SLC36A4: variants seen among roughly 807,000 people sequenced by gnomAD.
SLC36A4 encodes solute carrier family 36 member 4, also known as neutral amino acid uniporter 4.
Under a neutral mutation model 50.5 loss-of-function variants are expected in SLC36A4, and 49 were observed. That is an observed-to-expected ratio of 0.97 (90% CI 0.77 to 1.23). The LOEUF (loss-of-function observed/expected upper bound fraction) is 1.23. SLC36A4 is among the 50% of genes most tolerant of loss of function. The probability of loss-of-function intolerance (pLI) is 0.00; values close to 1 mark genes in which losing one functional copy is unlikely to be tolerated. For synonymous variants in SLC36A4, 207 were observed against 206.5 expected, an observed-to-expected ratio of 1.00 and a Z score of -0.02; for missense variants, 611 against 608.4, an observed-to-expected ratio of 1.00 and a Z score of -0.05.
At chr11:93,165,687 T>G (rs1396389808) in intron 8 of SLC36A4, among the ~76,000 whole-genome samples, 1 of 152,096 alleles carries the variant, frequency 6.6e-6, no homozygotes, top group African/African-American at 2.4e-5. Context: ...TTTCTTCATT[T>G]TATAGATAAA....
intron 1 of SLC36A4, among the ~76,000 whole-genome samples, chr11:93,196,139 T>C (rs1862411545): frequency 6.6e-6 from 1 of 152,182 alleles, no homozygotes; most frequent in Admixed American, 6.5e-5. Context: ...TGAAATAATT[T>C]GAAACTTTTT....
intron 3 of SLC36A4, among the ~76,000 whole-genome samples, chr11:93,183,615 TATA>T (rs1413326896): frequency 6.6e-6 from 1 of 152,106 alleles, no homozygotes; most frequent in African/African-American, 2.4e-5. Flanking sequence ...TCTCTGCAAT[TATA>T]ATAATTACAA....
At chr11:93,190,589 T>G (rs1862175155) in intron 1 of SLC36A4, among the ~76,000 whole-genome samples, 1 of 152,222 alleles carries the variant, frequency 6.6e-6, no homozygotes, top group African/African-American at 2.4e-5. Flanking sequence ...AGTTAATTTT[T>G]CGAAGTTTAA....
At chr11:93,184,689 T>C (rs1166067737) in intron 2 of SLC36A4, among the ~76,000 whole-genome samples, 169 bp from the exon 3 acceptor site, 2 of 152,138 alleles carry the variant, frequency 1.3e-5, no homozygotes, top group Non-Finnish European at 2.9e-5. Context: ...GTCCTATCTT[T>C]GCTAATTAAA....
At chr11:93,172,602 C>G (rs893875357) in intron 6 of SLC36A4, among the ~76,000 whole-genome samples, 4 of 150,534 alleles carry the variant, frequency 2.7e-5, no homozygotes, top group African/African-American at 7.4e-5. Flanking sequence ...CCCATCCCCC[C>G]ACCCCACCAC....
intron 1 of SLC36A4, among the ~76,000 whole-genome samples, chr11:93,189,575 C>T (rs1304881525): frequency 6.6e-6 from 1 of 152,128 alleles, no homozygotes; most frequent in Admixed American, 6.5e-5. Flanking sequence ...GACTAGAGTT[C>T]ATTTGCTTTT....
Position 93,177,991 on chromosome 11 carries a change from C to T in SLC36A4, c.540+2806G>A, listed in dbSNP as rs186608826. 2.4e-3 allele frequency among the ~76,000 whole-genome samples: 370 copies of T among 152,326 alleles called. 4 individuals carry two copies. The highest frequency in any genetic ancestry group is 3.6e-3 in the Non-Finnish European group (243 of 68,018). On this transcript the variant is annotated intron_variant, in intron 6 of 10. Transcript: ENST00000326402. ...CAGAGGTGGAGTCTACAGAGGCAGA[C>T]AGGCCTCCTTGAGCTGCGGTGGGCT...
chr11:93,185,059 A>G (rs1049035407), intron 2 of SLC36A4, among the ~76,000 whole-genome samples: 1 of 152,160 alleles, frequency 6.6e-6, no homozygotes, highest in African/African-American at 2.4e-5. Flanking sequence ...AACACGAATC[A>G]ATTTTTAGAT....
At chr11:93,159,595 C>T (rs1860527596) in intron 9 of SLC36A4, among the ~76,000 whole-genome samples, 1 of 152,128 alleles carries the variant, frequency 6.6e-6, no homozygotes, top group South Asian at 2.1e-4. Flanking sequence ...AGAGCCTCAT[C>T]TCATTCTAGG....
intron 9 of SLC36A4, chr11:93,155,280 G>C (rs10830991): frequency 6.6e-6 from 1 of 151,812 alleles, no homozygotes. Context: ...CTGCAACTTC[G>C]GGGCAGTGAT....
At position 93,197,810 on chromosome 11, in the gene SLC36A4, G is replaced by A; in HGVS notation, c.23C>T (p.Ala8Val). The A allele has an allele frequency of 1.3e-6, 2 of 1,579,906 alleles. No individual in the cohort carries two copies. Among genetic ancestry groups the A allele is most frequent in the Non-Finnish European group, 8.5e-7 (1 of 1,171,230 alleles). The change falls in exon 1 of 11, where the codon GCG (alanine) becomes GTG (valine). Residue 8 changes from alanine to valine, a missense_variant. Ala to Val is a moderately conservative substitution (Grantham distance 64). Transcript: ENST00000326402. ...CTCGCGCCTCGCCGCCCCGGCAGCC[G>A]CCGGCGTCGCCGCCGCTTCCATCTC... MEAAATP[A>V]AAGAARREEL...
chr11:93,150,408 A>G (rs761298766), intron 10 of SLC36A4, among the ~76,000 whole-genome samples: 3 of 151,942 alleles, frequency 2.0e-5, no homozygotes, highest in Non-Finnish European at 2.9e-5. Flanking sequence ...GTGGCTTTCA[A>G]TATTTTCCAG....
chr11:93,163,052 C>T (rs1023246218), intron 8 of SLC36A4, among the ~76,000 whole-genome samples, 177 bp from the exon 9 acceptor site: 3 of 151,824 alleles, frequency 2.0e-5, no homozygotes, highest in African/African-American at 7.3e-5. Context: ...CTATTTTAAA[C>T]TTCTTAAAAA....
chr11:93,197,696 C>A, intron 1 of SLC36A4, 82 bp downstream of exon 1: 2 of 1,456,782 alleles, frequency 1.4e-6, no homozygotes, highest in Non-Finnish European at 1.9e-6. Flanking sequence ...GCGCGGGGCC[C>A]CTGGAGGTGT....
chr11:93,167,834 C>T (rs1395398381), intron 7 of SLC36A4, 110 bp downstream of exon 7: 2 of 665,484 alleles, frequency 3.0e-6, no homozygotes, highest in Non-Finnish European at 5.3e-6. Flanking sequence ...ACACTGTGTG[C>T]CACATATGAA....
intron 9 of SLC36A4, among the ~76,000 whole-genome samples, chr11:93,156,071 T>C (rs1043371029): frequency 7.9e-5 from 12 of 152,246 alleles, no homozygotes; most frequent in Admixed American, 7.9e-4. Flanking sequence ...GAATGATTTA[T>C]ATTTCTTTGG....
At chr11:93,190,243 T>A (rs1862158550) in intron 1 of SLC36A4, among the ~76,000 whole-genome samples, 1 of 152,174 alleles carries the variant, frequency 6.6e-6, no homozygotes, top group Non-Finnish European at 1.5e-5. Flanking sequence ...AACAAAAATT[T>A]AATTATTCCT....
intron 7 of SLC36A4, chr11:93,167,449 C>T (rs1467896220): frequency 6.6e-6 from 1 of 152,108 alleles, no homozygotes; most frequent in Non-Finnish European, 1.5e-5. Flanking sequence ...TTAAGAATCC[C>T]CAGACTATGG....
At chr11:93,175,295 C>A (rs1322885409) in intron 6 of SLC36A4, among the ~76,000 whole-genome samples, 3 of 151,902 alleles carry the variant, frequency 2.0e-5, no homozygotes, top group Non-Finnish European at 2.9e-5. Flanking sequence ...GTGATGATAT[C>A]CCCTTTATCA....
Sources: allele counts gnomAD v4.1 joint callset (sites outside exome capture counted in the v4.1 genomes callset), GRCh38; gene constraint gnomAD v4.1.1; transcripts MANE v1.5; gene names NCBI Gene and HGNC (gene_info 2026-07-23, HGNC 2026-07-21).